FNBP1L: variants seen among roughly 807,000 people sequenced by gnomAD.
FNBP1L encodes the protein formin-binding protein 1-like.
A neutral mutation model predicts 91.2 loss-of-function variants in FNBP1L; 36 were observed. The observed-to-expected ratio is 0.39, with a 90% confidence interval of 0.30 to 0.52. The LOEUF (loss-of-function observed/expected upper bound fraction) is 0.52, where lower values mean the gene tolerates loss of function less well. Among genes scored for constraint, FNBP1L ranks in the 20% least tolerant of loss-of-function variants. The pLI is 0.66. For missense variants in FNBP1L, 571 were observed against 732.1 expected, an observed-to-expected ratio of 0.78 and a Z score of 2.54; for synonymous variants, 242 against 237.0, an observed-to-expected ratio of 1.02 and a Z score of -0.19.
intron 5 of FNBP1L, among the ~76,000 whole-genome samples, chr1:93,526,495 C>G (rs145065217): frequency 2.6e-4 from 40 of 152,278 alleles, no homozygotes; most frequent in Non-Finnish European, 5.3e-4. Flanking sequence ...CCCATTTTAT[C>G]AGGGAAGGAA....
chr1:93,451,906 T>C (rs892210601), intron 1 of FNBP1L, among the ~76,000 whole-genome samples: 1 of 152,180 alleles, frequency 6.6e-6, no homozygotes, highest in Non-Finnish European at 1.5e-5. Flanking sequence ...CGCCTCGGCC[T>C]CTCAAAGTGC....
rs553469256 is a variant in FNBP1L at position 93,529,100 on chromosome 1, T to C, written c.406-552T>C. On this transcript the variant is annotated intron_variant, in intron 5 of 16. Coordinates refer to ENST00000271234, the MANE Select transcript of FNBP1L (RefSeq NM_001164473.3). The stretch of plus-strand genomic sequence containing the variant: ...GGACGCTCCATATACCCAAGCTACA[T>C]TGGATCTCACCAAAAAAGTATAAAA... Among the ~76,000 whole-genome samples the C allele has an allele frequency of 8.6e-5, 13 of 151,982 alleles. No homozygotes were observed. The East Asian group carries it at 1.7e-3, about 20-fold the overall frequency.
chr1:93,523,636 C>T, intron 4 of FNBP1L, 145 bp downstream of exon 4: 1 of 887,534 alleles, frequency 1.1e-6, no homozygotes, highest in South Asian at 2.1e-5. Flanking sequence ...TCACAAAATA[C>T]TCTTGCTAAT....
chr1:93,493,623 G>A (rs1228056419), intron 1 of FNBP1L, among the ~76,000 whole-genome samples: 1 of 152,036 alleles, frequency 6.6e-6, no homozygotes, highest in African/African-American at 2.4e-5. Context: ...TACAGTATTT[G>A]TCCTTTTCTG....
chr1:93,523,925 CTG>C (rs982566167), intron 4 of FNBP1L, among the ~76,000 whole-genome samples: 1 of 152,140 alleles, frequency 6.6e-6, no homozygotes, highest in African/African-American at 2.4e-5. Context: ...GTCACAGAGA[CTG>C]TGTGGCTTAA....
chr1:93,540,371 A>G (rs1044679465), intron 10 of FNBP1L, among the ~76,000 whole-genome samples: 2 of 152,146 alleles, frequency 1.3e-5, no homozygotes, highest in African/African-American at 2.4e-5. Flanking sequence ...AACCTGAAAA[A>G]TGGAAGCTAT....
At chr1:93,523,829 A>G (rs772663079) in intron 4 of FNBP1L, among the ~76,000 whole-genome samples, 19 of 152,246 alleles carry the variant, frequency 1.2e-4, no homozygotes, top group Non-Finnish European at 2.4e-4. Flanking sequence ...TAATGTCCAT[A>G]CATAAAATTT....
intron 1 of FNBP1L, among the ~76,000 whole-genome samples, chr1:93,459,481 A>G (rs535467598): frequency 4.6e-5 from 7 of 152,232 alleles, no homozygotes; most frequent in Admixed American, 1.3e-4. Flanking sequence ...AAAATGCTCA[A>G]CATCTCTGAT....
At chr1:93,536,051 G>A (rs1671836953) in intron 9 of FNBP1L, among the ~76,000 whole-genome samples, 2 of 151,944 alleles carry the variant, frequency 1.3e-5, no homozygotes, top group Non-Finnish European at 2.9e-5. Context: ...TTAAAATCTA[G>A]GCCATATTGC....
Position 93,552,465 on chromosome 1 carries a change from G to C in FNBP1L, c.*49G>C. The C allele has an allele frequency of 6.2e-7, 1 of 1,608,374 alleles. No homozygotes were observed. The highest frequency in any genetic ancestry group is 8.5e-7 in the Non-Finnish European group (1 of 1,176,574). On this transcript the variant is annotated 3_prime_UTR_variant, in exon 17 of 17. Coordinates refer to ENST00000271234, the MANE Select transcript of FNBP1L (RefSeq NM_001164473.3). ...AAGATGTTGAAGGAGGTTACATGCAGCTGCTTTTGGGGGAGGGTATTAGAG... is the reference window on the plus strand; with the variant it reads ...AAGATGTTGAAGGAGGTTACATGCACCTGCTTTTGGGGGAGGGTATTAGAG...
chr1:93,527,813 A>G (rs1041891310), intron 5 of FNBP1L, among the ~76,000 whole-genome samples: 9 of 152,202 alleles, frequency 5.9e-5, no homozygotes, highest in African/African-American at 1.7e-4. Flanking sequence ...AAAGAAGGCA[A>G]TGTGACTATG....
intron 1 of FNBP1L, among the ~76,000 whole-genome samples, chr1:93,493,136 C>T (rs551708969): frequency 4.6e-5 from 7 of 152,124 alleles, no homozygotes; most frequent in South Asian, 2.1e-4. Flanking sequence ...TGGTGATATG[C>T]GCCTATAGTC....
chr1:93,461,453 ACT>A (rs994515931), intron 1 of FNBP1L, among the ~76,000 whole-genome samples: 4 of 152,080 alleles, frequency 2.6e-5, no homozygotes, highest in African/African-American at 9.7e-5. Context: ...CGAGATCAAC[ACT>A]CTCAGAGTCA....
At chr1:93,500,730 C>T (rs1670417318) in intron 2 of FNBP1L, among the ~76,000 whole-genome samples, 1 of 152,046 alleles carries the variant, frequency 6.6e-6, no homozygotes, top group African/African-American at 2.4e-5. Flanking sequence ...CCTCATATAT[C>T]CACATAATAG....
chr1:93,499,635 T>C (rs751738819), intron 2 of FNBP1L, 52 bp downstream of exon 2: 13 of 1,055,146 alleles, frequency 1.2e-5, no homozygotes, highest in Non-Finnish European at 1.7e-5. Context: ...GTTTAAACAG[T>C]TGAATATTAG....
intron 2 of FNBP1L, among the ~76,000 whole-genome samples, chr1:93,517,850 G>T (rs1354024577): frequency 6.6e-6 from 1 of 152,180 alleles, no homozygotes; most frequent in African/African-American, 2.4e-5. Context: ...GTTGGCATCA[G>T]ATTTGAGGAA....
chr1:93,530,264 A>G (rs557737954), intron 6 of FNBP1L, among the ~76,000 whole-genome samples: 1 of 152,274 alleles, frequency 6.6e-6, no homozygotes, highest in South Asian at 2.1e-4. Flanking sequence ...TTATTCAACA[A>G]TCATATTATT....
chr1:93,531,462 TAGAA>T (rs1000856096), intron 7 of FNBP1L, among the ~76,000 whole-genome samples: 4 of 152,222 alleles, frequency 2.6e-5, no homozygotes, highest in Admixed American at 6.5e-5. Flanking sequence ...TTGCCTGTTC[TAGAA>T]AGAAGAGAAA....
Position 93,486,400 on chromosome 1 carries a change from A to G in FNBP1L, c.25-13068A>G, listed in dbSNP as rs188548259. 1.8e-4 allele frequency among the ~76,000 whole-genome samples: 27 copies of G among 152,320 alleles called. No homozygotes were observed. In the East Asian group the frequency reaches 5.0e-3, roughly 28 times the overall value. On this transcript the variant is annotated intron_variant, in intron 1 of 16. Transcript: ENST00000271234. ...CTCTTCTATAATTCCATAATTTTCA[A>G]GAAGATGAAGAAAATAATGGGTAAA... is the stretch of plus-strand genomic sequence containing the variant.
Sources: gnomAD v4.1 joint callset for allele counts (sites outside exome capture counted in the v4.1 genomes callset) on GRCh38, gnomAD v4.1.1 for gene constraint, MANE v1.5 for transcripts, NCBI Gene and HGNC (gene_info 2026-07-23, HGNC 2026-07-21) for gene names.